USP13: variants seen among roughly 807,000 people sequenced by gnomAD.
USP13 encodes the protein ubiquitin carboxyl-terminal hydrolase 13.
In USP13, 68 loss-of-function variants were observed where a neutral mutation model predicts 107.8. The ratio of observed to expected loss-of-function variants is 0.63; its 90% CI spans 0.52 to 0.77. The LOEUF (loss-of-function observed/expected upper bound fraction) is 0.77, where lower values mean the gene tolerates loss of function less well. USP13 is among the 30% of genes least tolerant of loss of function. USP13 has a pLI of 0.00. For missense variants in USP13, 945 were observed against 1,093.3 expected (o/e 0.86, Z 1.91); for synonymous variants, 377 against 389.5 (o/e 0.97, Z 0.38).
chr3:179,766,483 T>C (rs1047360165), intron 19 of USP13, among the ~76,000 whole-genome samples: 8 of 152,216 alleles, frequency 5.3e-5, no homozygotes, highest in Non-Finnish European at 1.0e-4. Flanking sequence ...TTCATGGTAG[T>C]GTTTTTTGAG....
chr3:179,674,644 G>A (rs1392185495), intron 1 of USP13, among the ~76,000 whole-genome samples: 3 of 150,594 alleles, frequency 2.0e-5, no homozygotes, highest in Admixed American at 6.6e-5. Flanking sequence ...TTCTTCTCTC[G>A]GGCCTGTACC....
At chr3:179,765,908 T>C in intron 19 of USP13, 60 bp downstream of exon 19, 2 of 1,549,092 alleles carry the variant, frequency 1.3e-6, no homozygotes, top group Non-Finnish European at 1.8e-6. Context: ...GCTCATGCCC[T>C]TCCCTCCCAC....
At chr3:179,705,975 G>A (rs1712698773) in intron 4 of USP13, among the ~76,000 whole-genome samples, 2 of 152,068 alleles carry the variant, frequency 1.3e-5, no homozygotes, top group Non-Finnish European at 2.9e-5. Context: ...TGCTGGTCTC[G>A]GCCTCCCAAA....
At chr3:179,716,214 G>A (rs1713108608) in intron 6 of USP13, among the ~76,000 whole-genome samples, 3 of 152,112 alleles carry the variant, frequency 2.0e-5, no homozygotes, top group South Asian at 4.1e-4. Context: ...GTGAGCCACC[G>A]TGCCCGGCCT....
intron 4 of USP13, among the ~76,000 whole-genome samples, 200 bp from the exon 5 acceptor site, chr3:179,706,734 A>G (rs1712730255): frequency 6.6e-6 from 1 of 152,176 alleles, no homozygotes; most frequent in African/African-American, 2.4e-5. Flanking sequence ...GACATTGTCA[A>G]TACTACAAAC....
Position 179,706,930 on chromosome 3 carries a change from A to G in USP13, c.478-4A>G, listed in dbSNP as rs1025293697. On this transcript the variant is annotated splice_polypyrimidine_tract_variant and splice_region_variant and intron_variant, in intron 4 of 20. Coordinates refer to ENST00000263966, the MANE Select transcript of USP13 (RefSeq NM_003940.3). ...TATATATTACATCTGGGTTTGTCTT[A>G]TAGGTAACAATTGCTTGTGATGCAG... 6.2e-7 allele frequency: 1 copy of G among 1,611,990 alleles called. No homozygotes were observed. Among genetic ancestry groups the G allele is most frequent in the African/African-American group, 1.3e-5 (1 of 74,936 alleles).
chr3:179,756,493 C>T (rs1409274228), intron 15 of USP13, among the ~76,000 whole-genome samples: 2 of 152,178 alleles, frequency 1.3e-5, no homozygotes, highest in Non-Finnish European at 2.9e-5. Context: ...CCTGTAATCC[C>T]AGCCCTTTGG....
At chr3:179,704,847 T>C (rs1712657715) in intron 4 of USP13, among the ~76,000 whole-genome samples, 1 of 152,202 alleles carries the variant, frequency 6.6e-6, no homozygotes. Flanking sequence ...ACCTCCTCCT[T>C]GTTCCTGACT....
chr3:179,740,395 TGCTCA>T, intron 11 of USP13, 23 bp downstream of exon 11: 2 of 1,613,706 alleles, frequency 1.2e-6, no homozygotes, highest in South Asian at 1.1e-5. Context: ...TCTTCACGGA[TGCTCA>T]GCGGGGTTGT....
intron 10 of USP13, among the ~76,000 whole-genome samples, chr3:179,739,119 C>G (rs1299214301): frequency 6.6e-6 from 1 of 152,220 alleles, no homozygotes; most frequent in Non-Finnish European, 1.5e-5. Context: ...CCCTGATGCT[C>G]TGTCCAGCTG....
intron 1 of USP13, among the ~76,000 whole-genome samples, chr3:179,656,897 A>G (rs1720281868): frequency 6.6e-6 from 1 of 152,198 alleles, no homozygotes; most frequent in Non-Finnish European, 1.5e-5. Context: ...TGCTTTGGAA[A>G]TGTATGAATT....
At chr3:179,694,049 C>T (rs1027900033) in intron 3 of USP13, among the ~76,000 whole-genome samples, 1 of 151,856 alleles carries the variant, frequency 6.6e-6, no homozygotes, top group Non-Finnish European at 1.5e-5. Context: ...ATGGACACTG[C>T]AGACTCGGCC....
intron 6 of USP13, among the ~76,000 whole-genome samples, chr3:179,712,252 C>T (rs1712957739): frequency 6.6e-6 from 1 of 152,110 alleles, no homozygotes; most frequent in South Asian, 2.1e-4. Context: ...AATAGAGTAA[C>T]TCTAGTTTCT....
intron 1 of USP13, among the ~76,000 whole-genome samples, chr3:179,670,353 T>C (rs1720714538): frequency 6.6e-6 from 1 of 152,194 alleles, no homozygotes; most frequent in African/African-American, 2.4e-5. Context: ...ATGTCTTGCA[T>C]TGAGGGACTG....
In USP13 at chr3:179,785,972, G is replaced by A. The variant is rs918099316; in HGVS notation, c.*1831G>A. 5.9e-5 allele frequency: 9 copies of A among 152,270 alleles called. No homozygotes were observed. Among genetic ancestry groups the A allele is most frequent in the Non-Finnish European group, 1.3e-4 (9 of 68,080 alleles). 9.4% of individuals were successfully genotyped at this position (152,270 alleles called of 1,614,324 possible). A position where few individuals can be genotyped will look rare whatever the true frequency, so the allele number is the denominator to read the frequency against. ...TGAGTAGAATGTGGTATGCCATGGTGGGTTGTAGTAGATGGTGCTCCCTGC... is the reference window on the plus strand; with the variant it reads ...TGAGTAGAATGTGGTATGCCATGGTAGGTTGTAGTAGATGGTGCTCCCTGC... On this transcript the variant is annotated 3_prime_UTR_variant, in exon 21 of 21. Transcript: ENST00000263966.
At chr3:179,696,767 A>G (rs1256682928) in intron 3 of USP13, among the ~76,000 whole-genome samples, 1 of 152,106 alleles carries the variant, frequency 6.6e-6, no homozygotes, top group African/African-American at 2.4e-5. Flanking sequence ...AAAATATGAA[A>G]GTTGGTGAGT....
intron 10 of USP13, among the ~76,000 whole-genome samples, chr3:179,734,468 A>G (rs950425844): frequency 1.1e-4 from 17 of 152,360 alleles, no homozygotes; most frequent in African/African-American, 3.8e-4. Flanking sequence ...TTAAGCGACA[A>G]TTTATTTGAT....
rs1000585957 is a variant in USP13, at chr3:179,785,840, C to T, written c.*1699C>T. On this transcript the variant is annotated 3_prime_UTR_variant, in exon 21 of 21. Transcript: ENST00000263966. ...GTGGACCTTGGGCAAGTCCTTCATC[C>T]GTCCTGTGCCTCACTGTCCTCATCT... 2 of 152,294 alleles carry T rather than the reference C, an allele frequency of 1.3e-5. No individual in the cohort carries two copies. Among genetic ancestry groups the T allele is most frequent in the Admixed American group, 6.5e-5 (1 of 15,280 alleles). 9.4% of individuals were successfully genotyped at this position (152,294 alleles called of 1,614,324 possible). A position where few individuals can be genotyped will look rare whatever the true frequency, so the allele number is the denominator to read the frequency against.
chr3:179,778,815 T>C (rs1715640074), intron 19 of USP13, among the ~76,000 whole-genome samples: 1 of 150,356 alleles, frequency 6.7e-6, no homozygotes, highest in Non-Finnish European at 1.5e-5. Context: ...TACTTTCTGC[T>C]GTATGGACAG....
Sources: gnomAD v4.1 joint callset for allele counts (sites outside exome capture counted in the v4.1 genomes callset) on GRCh38, gnomAD v4.1.1 for gene constraint, MANE v1.5 for transcripts, NCBI Gene and HGNC (gene_info 2026-07-23, HGNC 2026-07-21) for gene names.